The following PCDH11X variants were observed in gnomAD, a reference collection of about 807,000 sequenced individuals.
PCDH11X encodes protocadherin-11 X-linked.
In PCDH11X, 18 loss-of-function variants were observed where a neutral mutation model predicts 53.3. The ratio of observed to expected loss-of-function variants is 0.34; its 90% CI spans 0.23 to 0.50. The LOEUF is 0.50. PCDH11X is among the 20% of genes least tolerant of loss of function. The pLI is 0.98. For missense variants in PCDH11X, 570 were observed against 1,032.4 expected (o/e 0.55, Z 6.14); for synonymous variants, 279 against 393.3 (o/e 0.71, Z 3.44).
intron 7 of PCDH11X, among the ~76,000 whole-genome samples, chrX:92,221,794 T>C (rs1421304844): frequency 9.0e-6 from 1 of 111,514 alleles, no homozygotes; most frequent in Non-Finnish European, 1.9e-5. Context: ...ATTAGATTAA[T>C]TGTTGACTTC....
intron 5 of PCDH11X, among the ~76,000 whole-genome samples, chrX:91,869,686 A>C (rs766296423): frequency 1.2e-3 from 129 of 111,163 alleles, no homozygotes; most frequent in African/African-American, 4.1e-3. Flanking sequence ...TTAGTGATTA[A>C]AATTACATGC....
chrX:92,488,508 A>G (rs2073691383), intron 10 of PCDH11X, among the ~76,000 whole-genome samples: 1 of 111,501 alleles, frequency 9.0e-6, no homozygotes, highest in Non-Finnish European at 1.9e-5. Context: ...AGACCTGGAC[A>G]TAATAACTAA....
chrX:92,227,019 G>A (rs2066984104), intron 7 of PCDH11X, among the ~76,000 whole-genome samples: 2 of 111,593 alleles, frequency 1.8e-5, no homozygotes, highest in Non-Finnish European at 3.8e-5. Context: ...CAGGGCACAC[G>A]TACTTTTAGT....
At chrX:91,972,588 C>T (rs201974304) in intron 6 of PCDH11X, among the ~76,000 whole-genome samples, 11,911 of 107,248 alleles carry the variant, frequency 0.11, 793 homozygotes, top group African/African-American at 0.22. Flanking sequence ...TTAGGTCTAA[C>T]GTTTAAGTCT....
In PCDH11X at chrX:91,978,319, A is replaced by G. The variant is rs769471574; in HGVS notation, c.3033+99046A>G. On this transcript the variant is annotated intron_variant, in intron 6 of 10. Transcript: ENST00000682573. The stretch of plus-strand genomic sequence containing the variant: ...CCTGGAAAATGCTTATTCTTCTACT[A>G]AGCCCCAACTCATGTAATAATTCCT... Among the ~76,000 whole-genome samples, 727 of 107,628 alleles carry G rather than the reference A, an allele frequency of 6.8e-3. 6 individuals carry two copies. The highest frequency in any genetic ancestry group is 0.024 in the African/African-American group (702 of 29,486). The allele number at this position is 107,628 out of a possible 115,157, so 93.5% of individuals were successfully genotyped here.
chrX:91,812,631 A>G (rs754870423), intron 4 of PCDH11X, among the ~76,000 whole-genome samples: 1 of 111,482 alleles, frequency 9.0e-6, no homozygotes, highest in East Asian at 2.8e-4. Context: ...TTAAGTTTTC[A>G]TAACAGCTTG....
intron 6 of PCDH11X, among the ~76,000 whole-genome samples, chrX:92,181,098 G>A (rs6615336): frequency 1.8e-5 from 2 of 109,925 alleles, no homozygotes; most frequent in South Asian, 3.9e-4. Context: ...GTTGAATGGC[G>A]TTGACAAAAA....
At chrX:91,820,958 A>G (rs868001593) in intron 4 of PCDH11X, among the ~76,000 whole-genome samples, 8 of 108,369 alleles carry the variant, frequency 7.4e-5, no homozygotes, top group Admixed American at 2.9e-4. Context: ...GTTTTTCTCA[A>G]GTTTGTCAAA....
intron 5 of PCDH11X, among the ~76,000 whole-genome samples, chrX:91,848,435 T>G (rs1937816343): frequency 9.0e-6 from 1 of 111,629 alleles, no homozygotes; most frequent in Admixed American, 9.5e-5. Context: ...GGCTTGAAGA[T>G]AATTGATACC....
At chrX:92,554,983 A>AT (rs1792027543) in intron 10 of PCDH11X, among the ~76,000 whole-genome samples, 1 of 111,676 alleles carries the variant, frequency 9.0e-6, no homozygotes, top group Non-Finnish European at 1.9e-5. Flanking sequence ...TTCTAGTGTA[A>AT]TTAACTTGTT....
rs370010139 is a variant in PCDH11X, at chrX:91,991,822, T to C, written c.3033+112549T>C. Among the ~76,000 whole-genome samples the C allele has an allele frequency of 2.7e-5, 3 of 109,337 alleles. No homozygotes were observed. The East Asian group carries it at 8.6e-4, about 31-fold the overall frequency. The allele number at this position is 109,337 out of a possible 115,157, so 94.9% of individuals were successfully genotyped here. On this transcript the variant is annotated intron_variant, in intron 6 of 10. Coordinates refer to ENST00000682573, the MANE Select transcript of PCDH11X (RefSeq NM_032968.5). ...ATCATTATCATATTTTTTAATTTCTTTTTTTTTTGCATTTCAAGAAATTTC... is the reference window on the plus strand; with the variant it reads ...ATCATTATCATATTTTTTAATTTCTCTTTTTTTTGCATTTCAAGAAATTTC...
chrX:92,035,302 T>C (rs1440374102), intron 6 of PCDH11X, among the ~76,000 whole-genome samples: 1 of 111,879 alleles, frequency 8.9e-6, no homozygotes, highest in Non-Finnish European at 1.9e-5. Flanking sequence ...GCATTCCCTT[T>C]AGCATTTCTT....
chrX:91,951,359 CCTTT>C (rs1422501246), intron 6 of PCDH11X, among the ~76,000 whole-genome samples: 1 of 109,789 alleles, frequency 9.1e-6, no homozygotes, highest in Non-Finnish European at 1.9e-5. Flanking sequence ...TGGAGAGTAG[CCTTT>C]CTATTTTTCC....
At chrX:92,250,595 G>GTGTATA (rs1556304334) in intron 7 of PCDH11X, among the ~76,000 whole-genome samples, 4 of 99,494 alleles carry the variant, frequency 4.0e-5, no homozygotes, top group African/African-American at 7.1e-5. Context: ...ATGTGTGTAT[G>GTGTATA]TATATATATA....
chrX:92,262,923 C>A, intron 7 of PCDH11X, 191 bp from the exon 8 acceptor site: 2 of 483,845 alleles, frequency 4.1e-6, no homozygotes, highest in Non-Finnish European at 5.1e-6. Context: ...TTTACTCAAA[C>A]CACTGAAGAA....
At position 92,392,051 on chromosome X, in the gene PCDH11X, T is replaced by C. The variant is rs868591814; in HGVS notation, c.3343+4118T>C. 1.5e-3 allele frequency among the ~76,000 whole-genome samples: 169 copies of C among 110,955 alleles called. 1 individual carries two copies. The highest frequency in any genetic ancestry group is 4.7e-3 in the Middle Eastern group (1 of 215). On this transcript the variant is annotated intron_variant, in intron 9 of 10. Transcript: ENST00000682573. ...ATCTGTATTTTTTAAAACCTCTTCATTGTATGTGATCATTTCACGCATGAA... is the reference window on the plus strand; with the variant it reads ...ATCTGTATTTTTTAAAACCTCTTCACTGTATGTGATCATTTCACGCATGAA...
intron 10 of PCDH11X, among the ~76,000 whole-genome samples, chrX:92,598,951 G>T (rs184612254): frequency 0.015 from 1,628 of 109,454 alleles, 39 homozygotes; most frequent in African/African-American, 0.051. Flanking sequence ...GATCAGCATT[G>T]CATGTTCTCA....
intron 1 of PCDH11X, among the ~76,000 whole-genome samples, chrX:91,808,511 A>T (rs1461309737): frequency 9.5e-6 from 1 of 104,989 alleles, no homozygotes; most frequent in Non-Finnish European, 2.0e-5. Context: ...AAAAAAAAAG[A>T]GAGGAATGTG....
intron 1 of PCDH11X, among the ~76,000 whole-genome samples, chrX:91,787,284 T>C (rs1935364999): frequency 9.1e-6 from 1 of 109,977 alleles, no homozygotes; most frequent in South Asian, 3.9e-4. Flanking sequence ...TTAGGTAGTG[T>C]TTTTTTTCCT....
Sources: gnomAD v4.1 joint callset for allele counts (sites outside exome capture counted in the v4.1 genomes callset) on GRCh38, gnomAD v4.1.1 for gene constraint, MANE v1.5 for transcripts, NCBI Gene and HGNC (gene_info 2026-07-23, HGNC 2026-07-21) for gene names.